The following COL4A6 variants were observed in gnomAD, a reference collection of about 807,000 sequenced individuals.
The protein encoded by COL4A6 is collagen alpha-6(IV) chain.
In COL4A6, 59 loss-of-function variants were observed where a neutral mutation model predicts 126.7. That is an observed-to-expected ratio of 0.47 (90% CI 0.38 to 0.58). The LOEUF (loss-of-function observed/expected upper bound fraction) is 0.58. COL4A6 is among the 20% of genes least tolerant of loss of function. The pLI, the probability that COL4A6 is intolerant of heterozygous loss-of-function variation, is 0.00. For synonymous variants in COL4A6, 547 were observed against 496.6 expected (o/e 1.10, Z -1.35); for missense variants, 1,285 against 1,337.3 (o/e 0.96, Z 0.61).
intron 3 of COL4A6, among the ~76,000 whole-genome samples, chrX:108,247,007 T>C (rs2036734386): frequency 8.9e-6 from 1 of 111,835 alleles, no homozygotes; most frequent in Non-Finnish European, 1.9e-5. Context: ...CGCTTATTAA[T>C]ATTAGAGCAC....
chrX:108,164,983 G>T lies in COL4A6; in HGVS notation c.3864C>A (p.Gly1288=). Residue 1288 remains glycine (G), a synonymous_variant, in exon 39 of 45, where the codon GGC becomes GGA. Transcript: ENST00000334504. ...PGPPGPSSNQ[G]DTGDPGFPGI... ...CAGGGAAGCCAGGGTCTCCGGTGTC[G>T]CCTTGATTCGAGGATGGCCCAGGGG... 2 of 1,210,838 alleles carry T rather than the reference G, an allele frequency of 1.7e-6. No homozygotes were observed. Among genetic ancestry groups the T allele is most frequent in the African/African-American group, 3.5e-5 (2 of 57,616 alleles).
intron 11 of COL4A6, among the ~76,000 whole-genome samples, chrX:108,205,069 G>A (rs762292406): frequency 2.7e-5 from 3 of 110,037 alleles, no homozygotes; most frequent in Non-Finnish European, 5.7e-5. Context: ...AGAAAGGGTA[G>A]AGAGAAGAGG....
At position 108,280,091 on chromosome X, in the gene COL4A6, A is replaced by G. The variant is rs758877657; in HGVS notation, c.144+30657T>C. Among the ~76,000 whole-genome samples the G allele has an allele frequency of 2.2e-4, 24 of 111,603 alleles. No homozygotes were observed. In the South Asian group the frequency reaches 9.2e-3, roughly 43 times the overall value. The stretch of plus-strand genomic sequence containing the variant: ...AGATCACAATTAAAAGAACTAGAAA[A>G]GCAAGAGCAAACACATTCAAAAGCT... On this transcript the variant is annotated intron_variant, in intron 3 of 44. Coordinates refer to ENST00000334504, the MANE Select transcript of COL4A6 (RefSeq NM_033641.4).
chrX:108,277,295 G>A lies in COL4A6; in HGVS notation c.144+33453C>T, dbSNP rs192425025. Among the ~76,000 whole-genome samples, 488 of 112,045 alleles carry A rather than the reference G, an allele frequency of 4.4e-3. 1 individual carries two copies. The highest frequency in any genetic ancestry group is 7.7e-3 in the Non-Finnish European group (408 of 53,130). On this transcript the variant is annotated intron_variant, in intron 3 of 44. Transcript: ENST00000334504. Reference sequence around the variant, plus strand: ...CGGGTCACTCCCACCCCAATACTGCGCTTTTCCGGTGGGCTTAAAAAACGG... The same window carrying A: ...CGGGTCACTCCCACCCCAATACTGCACTTTTCCGGTGGGCTTAAAAAACGG...
In COL4A6 at chrX:108,333,617, A is replaced by G. The variant is rs961140695; in HGVS notation, c.64-22789T>C. ...AAGGCATCCAAATTGGAAAAGAGAA[A>G]GTCAAATTATCTGTGTTCATTGATG... On this transcript the variant is annotated intron_variant, in intron 2 of 44. Transcript: ENST00000334504. 2.7e-5 allele frequency among the ~76,000 whole-genome samples: 3 copies of G among 111,895 alleles called. No homozygotes were observed. The East Asian group carries it at 8.4e-4, about 31-fold the overall frequency.
chrX:108,310,860 T>A, intron 2 of COL4A6, 32 bp from the exon 3 acceptor site: 2 of 1,108,249 alleles, frequency 1.8e-6, no homozygotes, highest in Non-Finnish European at 2.5e-6. Flanking sequence ...TAATAAACCA[T>A]GTGAACCAAG....
chrX:108,180,986 T>G lies in COL4A6; in HGVS notation c.1952-18A>C, dbSNP rs770616388. 16 of 1,182,177 alleles carry G rather than the reference T, an allele frequency of 1.4e-5. No homozygotes were observed. The highest frequency in any genetic ancestry group is 1.8e-5 in the Non-Finnish European group (16 of 869,775). On this transcript the variant is annotated intron_variant, in intron 23 of 44. Coordinates refer to ENST00000334504, the MANE Select transcript of COL4A6 (RefSeq NM_033641.4). Reference sequence around the variant, plus strand: ...GGTGATTCCTGTAAATGGTAACATGTGTGCATTCAGTGAACCCAGAGTTAG... The same window carrying G: ...GGTGATTCCTGTAAATGGTAACATGGGTGCATTCAGTGAACCCAGAGTTAG...
intron 2 of COL4A6, among the ~76,000 whole-genome samples, chrX:108,361,288 A>G (rs981020155): frequency 1.8e-5 from 2 of 111,342 alleles, no homozygotes; most frequent in Non-Finnish European, 3.8e-5. Context: ...AGCTTAATTA[A>G]CTGCACAAAT....
intron 3 of COL4A6, among the ~76,000 whole-genome samples, chrX:108,310,164 C>T (rs994380872): frequency 8.9e-6 from 1 of 111,792 alleles, no homozygotes; most frequent in Non-Finnish European, 1.9e-5. Flanking sequence ...GCAATTTGCA[C>T]AACAATTTGA....
intron 2 of COL4A6, among the ~76,000 whole-genome samples, chrX:108,431,335 T>C (rs1318618583): frequency 8.9e-6 from 1 of 111,999 alleles, no homozygotes; most frequent in African/African-American, 3.3e-5. Flanking sequence ...TCCCAAATGT[T>C]GAAATCCCAA....
intron 3 of COL4A6, among the ~76,000 whole-genome samples, chrX:108,289,080 A>G (rs1300923152): frequency 8.9e-6 from 1 of 111,847 alleles, no homozygotes; most frequent in African/African-American, 3.2e-5. Context: ...ATTAATGGAG[A>G]TCAAAGAGGC....
chrX:108,419,693 C>A (rs2041496220), intron 2 of COL4A6, among the ~76,000 whole-genome samples: 1 of 111,917 alleles, frequency 8.9e-6, no homozygotes, highest in African/African-American at 3.2e-5. Context: ...ATCATTTAAT[C>A]TCATTGTTAT....
At chrX:108,192,334 G>A (rs900141446) in intron 18 of COL4A6, 139 bp downstream of exon 18, 10 of 427,355 alleles carry the variant, frequency 2.3e-5, no homozygotes, top group South Asian at 1.0e-4. Context: ...GCTGGCAGTC[G>A]GGAACCTACT....
At chrX:108,366,404 AG>A (rs1460030287) in intron 2 of COL4A6, among the ~76,000 whole-genome samples, 1 of 112,310 alleles carries the variant, frequency 8.9e-6, no homozygotes, top group African/African-American at 3.2e-5. Flanking sequence ...GGTCCTGAAA[AG>A]GGGCACTTAT....
chrX:108,382,551 A>G (rs1306637272), intron 2 of COL4A6, among the ~76,000 whole-genome samples: 3 of 111,371 alleles, frequency 2.7e-5, no homozygotes, highest in African/African-American at 9.8e-5. Context: ...ACTGTGATAA[A>G]TTAATTGTAA....
chrX:108,378,634 TGTATG>T (rs2040495777), intron 2 of COL4A6, among the ~76,000 whole-genome samples: 2 of 112,607 alleles, frequency 1.8e-5, no homozygotes, highest in South Asian at 3.7e-4. Context: ...GTAGGATTCT[TGTATG>T]CCACTTCCAG....
In COL4A6 at chrX:108,221,852, C is replaced by T. The variant is rs1335602470; in HGVS notation, c.145-478G>A. On this transcript the variant is annotated intron_variant, in intron 3 of 44. Transcript: ENST00000334504. ...GGGCCAGAGTGGGCCCAGAAACCTA[C>T]AGGCTGACAAACCTGCAAGAGCTCA... Among the ~76,000 whole-genome samples the T allele has an allele frequency of 3.5e-5, 4 of 112,764 alleles. No homozygotes were observed. The Admixed American group carries it at 3.7e-4, about 11-fold the overall frequency.
intron 2 of COL4A6, among the ~76,000 whole-genome samples, chrX:108,387,906 T>C (rs1225410939): frequency 8.9e-6 from 1 of 111,964 alleles, no homozygotes; most frequent in Non-Finnish European, 1.9e-5. Context: ...ACTTAGTTCA[T>C]TGAGAGTTTT....
chrX:108,330,821 C>T (rs1436555839), intron 2 of COL4A6, among the ~76,000 whole-genome samples: 1 of 111,302 alleles, frequency 9.0e-6, no homozygotes, highest in Non-Finnish European at 1.9e-5. Flanking sequence ...TATATCATCA[C>T]AACTATGTCA....
Sources: allele counts gnomAD v4.1 joint callset (sites outside exome capture counted in the v4.1 genomes callset), GRCh38; gene constraint gnomAD v4.1.1; transcripts MANE v1.5; gene names NCBI Gene and HGNC (gene_info 2026-07-23, HGNC 2026-07-21).